Variants in TLE4 observed in about 807,000 individuals in gnomAD.
TLE4 encodes transducin-like enhancer protein 4.
TLE4 carries 8 observed loss-of-function variants against 92.8 expected under a neutral mutation model. That is an observed-to-expected ratio of 0.09 (90% CI 0.05 to 0.16). The LOEUF is 0.16. Ranked by LOEUF, TLE4 falls within the 10% of genes least tolerant of loss-of-function variation. The pLI is 1.00. For synonymous variants in TLE4, 371 were observed against 374.1 expected (o/e 0.99, Z 0.10); for missense variants, 675 against 997.6 (o/e 0.68, Z 4.36).
At chr9:79,618,649 A>T (rs1271775354) in intron 5 of TLE4, among the ~76,000 whole-genome samples, 1 of 151,950 alleles carries the variant, frequency 6.6e-6, no homozygotes, top group Non-Finnish European at 1.5e-5. Context: ...TAATTCCATG[A>T]CTGTTTTTTT....
intron 8 of TLE4, among the ~76,000 whole-genome samples, chr9:79,690,424 A>G (rs1235476999): frequency 1.3e-5 from 2 of 152,176 alleles, no homozygotes; most frequent in Admixed American, 1.3e-4. Context: ...ATTCTTTAAC[A>G]TCTGTCTTAA....
At chr9:79,644,602 G>A (rs559732363) in intron 6 of TLE4, among the ~76,000 whole-genome samples, 10 of 152,338 alleles carry the variant, frequency 6.6e-5, no homozygotes, top group South Asian at 2.1e-4. Context: ...CAGCCAGACT[G>A]TGCTTTCTCA....
chr9:79,671,316 G>A (rs1032999426), intron 8 of TLE4: 14 of 454,852 alleles, frequency 3.1e-5, no homozygotes, highest in Non-Finnish European at 5.3e-5. Flanking sequence ...CACCTGCCAT[G>A]CTAGTGTTGT....
Position 79,640,444 on chromosome 9 carries a change from A to G in TLE4, c.391-12149A>G, listed in dbSNP as rs1278921830. Among the ~76,000 whole-genome samples the G allele has an allele frequency of 6.6e-5, 10 of 151,920 alleles. No individual in the cohort carries two copies. In the East Asian group the frequency reaches 1.2e-3, roughly 18 times the overall value. ...TTTAATTTTTTTTTTCACTCCGCCT[A>G]TCTTCATTTAACATATAAGTTTCTA... On this transcript the variant is annotated intron_variant, in intron 6 of 19. Coordinates refer to ENST00000376552, the MANE Select transcript of TLE4 (RefSeq NM_007005.6).
rs1323774108 is a variant in TLE4, at chr9:79,627,589, T to C, written c.390+141T>C. On this transcript the variant is annotated intron_variant, in intron 6 of 19. Transcript: ENST00000376552. ...GAAATTAAGCACTTTGCCTTCAATCTCCTGTGAAATTTGATGGCTGCCTTA... is the reference window on the plus strand; with the variant it reads ...GAAATTAAGCACTTTGCCTTCAATCCCCTGTGAAATTTGATGGCTGCCTTA... The C allele has an allele frequency of 5.2e-6, 4 of 774,944 alleles. No homozygotes were observed. The Admixed American group carries it at 1.1e-4, about 22-fold the overall frequency. The allele number at this position is 774,944 out of a possible 1,614,324, so 48.0% of individuals were successfully genotyped here. A position where few individuals can be genotyped will look rare whatever the true frequency, so the allele number is the denominator to read the frequency against.
chr9:79,648,179 T>A (rs2058390057), intron 6 of TLE4, among the ~76,000 whole-genome samples: 1 of 152,188 alleles, frequency 6.6e-6, no homozygotes. Flanking sequence ...CTGTTGCTTT[T>A]GGAACCAGAG....
At chr9:79,573,242 C>T in intron 1 of TLE4, 7 of 1,010,630 alleles carry the variant, frequency 6.9e-6, no homozygotes, top group Non-Finnish European at 8.3e-6. Flanking sequence ...CCCCTCGCGC[C>T]GCGGGCCGCC....
chr9:79,681,323 G>A (rs1443800601), intron 8 of TLE4, among the ~76,000 whole-genome samples: 1 of 152,128 alleles, frequency 6.6e-6, no homozygotes, highest in Non-Finnish European at 1.5e-5. Flanking sequence ...AGCCAACTCA[G>A]TAACGTTATT....
At chr9:79,675,137 C>A (rs1009099697) in intron 8 of TLE4, among the ~76,000 whole-genome samples, 10 of 152,174 alleles carry the variant, frequency 6.6e-5, no homozygotes, top group Non-Finnish European at 1.0e-4. Context: ...TTCTGCCCTT[C>A]CCTAATTGAT....
chr9:79,681,577 T>A (rs932013722), intron 8 of TLE4, among the ~76,000 whole-genome samples: 1 of 152,198 alleles, frequency 6.6e-6, no homozygotes, highest in East Asian at 1.9e-4. Flanking sequence ...GAAGATCGAA[T>A]GTCCACATTA....
At chr9:79,721,914 A>T in intron 17 of TLE4, 26 bp downstream of exon 17, 1 of 1,602,176 alleles carries the variant, frequency 6.2e-7, no homozygotes, top group Non-Finnish European at 8.5e-7. Flanking sequence ...GAGGCATTTT[A>T]AAGATACGGT....
chr9:79,717,060 T>G (rs1017010751), intron 14 of TLE4, among the ~76,000 whole-genome samples: 1 of 152,234 alleles, frequency 6.6e-6, no homozygotes, highest in African/African-American at 2.4e-5. Flanking sequence ...CCACATTCTT[T>G]GGGATTCTGT....
At chr9:79,583,475 C>T (rs1420381750) in intron 4 of TLE4, among the ~76,000 whole-genome samples, 2 of 152,262 alleles carry the variant, frequency 1.3e-5, no homozygotes, top group South Asian at 2.1e-4. Flanking sequence ...TCTCCCGGTG[C>T]GAGACAATAC....
chr9:79,635,254 T>C (rs2133795250), intron 6 of TLE4, among the ~76,000 whole-genome samples: 1 of 152,306 alleles, frequency 6.6e-6, no homozygotes, highest in East Asian at 1.9e-4. Context: ...TTGCTGTCTC[T>C]GTATCTTTTC....
chr9:79,616,761 T>A (rs2049731491), intron 5 of TLE4, among the ~76,000 whole-genome samples: 1 of 152,112 alleles, frequency 6.6e-6, no homozygotes, highest in African/African-American at 2.4e-5. Flanking sequence ...CATCCCCCAA[T>A]TCCAGGAACA....
chr9:79,622,741 A>T (rs2051338027), intron 5 of TLE4, among the ~76,000 whole-genome samples: 1 of 152,142 alleles, frequency 6.6e-6, no homozygotes, highest in Non-Finnish European at 1.5e-5. Context: ...TGCTTAATAA[A>T]TATTTGAATG....
chr9:79,639,271 C>G (rs1466288594), intron 6 of TLE4, among the ~76,000 whole-genome samples: 1 of 151,958 alleles, frequency 6.6e-6, no homozygotes, highest in Non-Finnish European at 1.5e-5. Context: ...AAATTCAGGC[C>G]ATTTTTGGGT....
chr9:79,667,878 G>T (rs1329280895), intron 8 of TLE4, among the ~76,000 whole-genome samples: 1 of 152,202 alleles, frequency 6.6e-6, no homozygotes, highest in East Asian at 1.9e-4. Context: ...AACTAACTCG[G>T]GTCATGATTT....
At position 79,573,840 on chromosome 9, in the gene TLE4, G is replaced by T; in HGVS notation, c.143+54G>T. On this transcript the variant is annotated intron_variant, in intron 2 of 19. Transcript: ENST00000376552. ...CTGTTTGCTTAGCTCTTGTCTCCCC[G>T]ACAAATACACACAAACACTTACCCT... The T allele has an allele frequency of 3.0e-6, 4 of 1,332,108 alleles. No homozygotes were observed. In the South Asian group the frequency reaches 5.9e-5, roughly 20 times the overall value. 82.5% of individuals were successfully genotyped at this position (1,332,108 alleles called of 1,614,324 possible). A position where few individuals can be genotyped will look rare whatever the true frequency, so the allele number is the denominator to read the frequency against.
Sources: gnomAD v4.1 joint callset for allele counts (sites outside exome capture counted in the v4.1 genomes callset) on GRCh38, gnomAD v4.1.1 for gene constraint, MANE v1.5 for transcripts, NCBI Gene and HGNC (gene_info 2026-07-23, HGNC 2026-07-21) for gene names.